Variants in CSMD1 observed in about 807,000 individuals in gnomAD.
CSMD1 encodes the protein CUB and Sushi multiple domains 1.
CSMD1 carries 213 observed loss-of-function variants against 417.5 expected under a neutral mutation model. The ratio of observed to expected loss-of-function variants is 0.51; its 90% CI spans 0.46 to 0.57. The LOEUF is 0.57. CSMD1 is among the 20% of genes least tolerant of loss of function. The pLI is 0.00. For missense variants in CSMD1, 6,923 were observed against 4,529.7 expected (o/e 1.53, Z -15.17); for synonymous variants, 2,862 against 1,736.8 (o/e 1.65, Z -16.11).
rs535845947 is a variant in CSMD1, at chr8:4,596,974, A to C, written c.302+40368T>G. Among the ~76,000 whole-genome samples, 47 of 152,260 alleles carry C rather than the reference A, an allele frequency of 3.1e-4. 1 individual carries two copies. The highest frequency in any genetic ancestry group is 1.1e-3 in the African/African-American group (44 of 41,548). The stretch of plus-strand genomic sequence containing the variant: ...TTTTCTCTTGCCACCTCCATGTTAG[A>C]AGTGCCTCTTTCCTCCCGCCATGAT... On this transcript the variant is annotated intron_variant, in intron 2 of 69. Coordinates refer to ENST00000635120, the MANE Select transcript of CSMD1 (RefSeq NM_033225.6).
intron 5 of CSMD1, among the ~76,000 whole-genome samples, chr8:3,984,203 C>G (rs1024165397): frequency 2.1e-5 from 3 of 144,668 alleles, no homozygotes; most frequent in African/African-American, 7.7e-5. Flanking sequence ...ACTGCGCTTG[C>G]ACCCAGCCAC....
chr8:4,881,505 G>T (rs1055082766), intron 1 of CSMD1, among the ~76,000 whole-genome samples: 1 of 145,470 alleles, frequency 6.9e-6, no homozygotes, highest in Admixed American at 6.9e-5. Context: ...ATAGAATTAG[G>T]CTCTTCCAGG....
Position 3,367,115 on chromosome 8 carries a change from C to G in CSMD1, c.3032G>C (p.Gly1011Ala), listed in dbSNP as rs769690841. ...GSVLPHTIKA[G>A]LFGNFTAQLR... The stretch of plus-strand genomic sequence containing the variant: ...CTGGGCAGTGAAGTTTCCAAACAGG[C>G]CTGCCTTGATCGTATGAGGCAACAC... Residue 1011 changes from glycine to alanine, a missense_variant, in exon 20 of 70, where the codon GGC becomes GCC. Transcript: ENST00000635120. The G allele has an allele frequency of 1.2e-6, 2 of 1,613,756 alleles. No homozygotes were observed. Among genetic ancestry groups the G allele is most frequent in the African/African-American group, 1.3e-5 (1 of 75,032 alleles).
chr8:3,728,192 G>C (rs1468620745), intron 6 of CSMD1, among the ~76,000 whole-genome samples: 1 of 152,136 alleles, frequency 6.6e-6, no homozygotes, highest in African/African-American at 2.4e-5. Flanking sequence ...TCTCATGGTA[G>C]TGAATAAGTC....
At chr8:4,876,674 T>A (rs1803060579) in intron 1 of CSMD1, among the ~76,000 whole-genome samples, 1 of 152,100 alleles carries the variant, frequency 6.6e-6, no homozygotes, top group African/African-American at 2.4e-5. Flanking sequence ...TTAAGTGCCG[T>A]TAGGTGCATA....
At chr8:4,070,715 T>G (rs755021183) in intron 3 of CSMD1, among the ~76,000 whole-genome samples, 7 of 152,252 alleles carry the variant, frequency 4.6e-5, no homozygotes, top group Middle Eastern at 3.4e-3. Flanking sequence ...ACAGGTTGTT[T>G]CCATGAAGCC....
At chr8:3,859,961 G>A (rs953050559) in intron 5 of CSMD1, among the ~76,000 whole-genome samples, 1 of 152,172 alleles carries the variant, frequency 6.6e-6, no homozygotes, top group Non-Finnish European at 1.5e-5. Context: ...ATGAGTCCCA[G>A]TGAATTTTCA....
At chr8:4,468,148 GCTCT>G (rs1486336664) in intron 2 of CSMD1, among the ~76,000 whole-genome samples, 1 of 152,134 alleles carries the variant, frequency 6.6e-6, no homozygotes, top group Non-Finnish European at 1.5e-5. Flanking sequence ...AAAGCCTACA[GCTCT>G]CTATTTTCTG....
intron 3 of CSMD1, among the ~76,000 whole-genome samples, chr8:4,035,531 G>A (rs993255393): frequency 6.6e-6 from 1 of 152,002 alleles, no homozygotes; most frequent in Non-Finnish European, 1.5e-5. Flanking sequence ...GGGACAAGAC[G>A]TCAAGGTGGA....
At position 3,538,816 on chromosome 8, in the gene CSMD1, G is replaced by T. The variant is rs9314496; in HGVS notation, c.1344+36129C>A. Among the ~76,000 whole-genome samples the T allele has an allele frequency of 8.4e-3, 1,280 of 152,276 alleles. 17 individuals carry two copies. Among genetic ancestry groups the T allele is most frequent in the African/African-American group, 0.028 (1,173 of 41,546 alleles). ...CACTTGCACCAAGAGCCTGGTGGAA[G>T]GCAATGTCTCCTCTCACCTGGAGTG... On this transcript the variant is annotated intron_variant, in intron 10 of 69. Transcript: ENST00000635120.
intron 5 of CSMD1, among the ~76,000 whole-genome samples, chr8:3,839,648 A>T (rs1322660853): frequency 7.1e-6 from 1 of 140,454 alleles, no homozygotes; most frequent in Non-Finnish European, 1.5e-5. Flanking sequence ...GTGACACTTC[A>T]ACTCAGAAAA....
At chr8:3,046,369 G>A (rs577400627) in intron 50 of CSMD1, among the ~76,000 whole-genome samples, 4 of 152,240 alleles carry the variant, frequency 2.6e-5, no homozygotes, top group South Asian at 2.1e-4. Flanking sequence ...CGCCTCCTCC[G>A]GTTCCTTCCA....
At chr8:3,309,265 AC>A (rs1383701747) in intron 23 of CSMD1, among the ~76,000 whole-genome samples, 1 of 151,882 alleles carries the variant, frequency 6.6e-6, no homozygotes, top group Non-Finnish European at 1.5e-5. Flanking sequence ...CATTGTCAAG[AC>A]CCGCCCACCT....
chr8:4,993,623 C>A (rs1044381391), intron 1 of CSMD1, among the ~76,000 whole-genome samples: 1 of 152,156 alleles, frequency 6.6e-6, no homozygotes, highest in African/African-American at 2.4e-5. Flanking sequence ...TACCCGTGCG[C>A]CCACAGTGAA....
At chr8:3,930,603 C>T (rs751462099) in intron 5 of CSMD1, among the ~76,000 whole-genome samples, 1 of 150,284 alleles carries the variant, frequency 6.7e-6, no homozygotes, top group Non-Finnish European at 1.5e-5. Context: ...GGAAACGGGA[C>T]ACAGCAGTAG....
At chr8:4,943,012 A>G (rs1414588372) in intron 1 of CSMD1, among the ~76,000 whole-genome samples, 1 of 152,158 alleles carries the variant, frequency 6.6e-6, no homozygotes, top group Non-Finnish European at 1.5e-5. Flanking sequence ...CTCTGTTGAG[A>G]GTATGGCTTT....
chr8:3,913,487 G>C (rs761515756), intron 5 of CSMD1, among the ~76,000 whole-genome samples: 1 of 152,200 alleles, frequency 6.6e-6, no homozygotes, highest in African/African-American at 2.4e-5. Context: ...CTTGGAATGT[G>C]TCCCAGAAGT....
At chr8:4,923,354 G>T (rs1806628823) in intron 1 of CSMD1, among the ~76,000 whole-genome samples, 1 of 152,036 alleles carries the variant, frequency 6.6e-6, no homozygotes, top group African/African-American at 2.4e-5. Context: ...TTCTTAAAGG[G>T]TTGGCATACA....
At chr8:3,903,780 T>G (rs561447285) in intron 5 of CSMD1, among the ~76,000 whole-genome samples, 1 of 152,264 alleles carries the variant, frequency 6.6e-6, no homozygotes, top group South Asian at 2.1e-4. Context: ...GAGTCCACAT[T>G]TGAGCCTCTC....
Sources: gnomAD v4.1 joint callset for allele counts (sites outside exome capture counted in the v4.1 genomes callset) on GRCh38, gnomAD v4.1.1 for gene constraint, MANE v1.5 for transcripts, NCBI Gene and HGNC (gene_info 2026-07-23, HGNC 2026-07-21) for gene names.